Variants in ANO2 observed in about 807,000 individuals in gnomAD.
ANO2 encodes the protein anoctamin-2.
In ANO2, 101 loss-of-function variants were observed where a neutral mutation model predicts 124.2. The ratio of observed to expected loss-of-function variants is 0.81; its 90% CI spans 0.69 to 0.96. ANO2 has a LOEUF of 0.96. Ranked by LOEUF, ANO2 falls within the 40% of genes least tolerant of loss-of-function variation. The pLI is 0.00. For synonymous variants in ANO2, 486 were observed against 482.5 expected (o/e 1.01, Z -0.09); for missense variants, 1,293 against 1,274.5 (o/e 1.01, Z -0.22).
intron 19 of ANO2, among the ~76,000 whole-genome samples, chr12:5,602,512 C>T (rs1943991935): frequency 6.6e-6 from 1 of 152,086 alleles, no homozygotes; most frequent in South Asian, 2.1e-4. Flanking sequence ...CTTAGGCCTC[C>T]CAAAGTACAA....
At chr12:5,710,387 G>C (rs1949767666) in intron 14 of ANO2, among the ~76,000 whole-genome samples, 1 of 152,214 alleles carries the variant, frequency 6.6e-6, no homozygotes, top group Non-Finnish European at 1.5e-5. Flanking sequence ...CAAGCACTGA[G>C]AATTAGTTTG....
intron 9 of ANO2, among the ~76,000 whole-genome samples, chr12:5,799,790 C>G (rs1338661418): frequency 6.6e-6 from 1 of 152,160 alleles, no homozygotes; most frequent in Non-Finnish European, 1.5e-5. Flanking sequence ...TGAGGCAGTC[C>G]TGCACCTGAT....
At chr12:5,704,293 A>T (rs1591950730) in intron 14 of ANO2, among the ~76,000 whole-genome samples, 1 of 152,244 alleles carries the variant, frequency 6.6e-6, no homozygotes, top group East Asian at 1.9e-4. Context: ...ATCTGCATCC[A>T]CCCCGCCCAT....
At chr12:5,750,791 T>A (rs774475998) in intron 11 of ANO2, 45 bp downstream of exon 11, 1 of 1,587,988 alleles carries the variant, frequency 6.3e-7, no homozygotes, top group Non-Finnish European at 8.6e-7. Flanking sequence ...AACTCCAAAT[T>A]ATTAACATAT....
At chr12:5,619,229 AC>A (rs1944986655) in intron 16 of ANO2, among the ~76,000 whole-genome samples, 1 of 152,238 alleles carries the variant, frequency 6.6e-6, no homozygotes, top group East Asian at 1.9e-4. Context: ...GGGATTGAGA[AC>A]TGTAGTGAAT....
chr12:5,774,664 T>C (rs918821668), intron 10 of ANO2, among the ~76,000 whole-genome samples: 1 of 152,166 alleles, frequency 6.6e-6, no homozygotes, highest in African/African-American at 2.4e-5. Context: ...TGATGCCTTG[T>C]TGGAACCTCT....
chr12:5,623,555 T>C (rs1285589436), intron 16 of ANO2, among the ~76,000 whole-genome samples: 1 of 152,088 alleles, frequency 6.6e-6, no homozygotes, highest in Non-Finnish European at 1.5e-5. Flanking sequence ...GGAAAACAAT[T>C]AGTATGAAAG....
At chr12:5,786,054 T>C (rs1276205770) in intron 10 of ANO2, among the ~76,000 whole-genome samples, 1 of 145,636 alleles carries the variant, frequency 6.9e-6, no homozygotes, top group African/African-American at 2.6e-5. Flanking sequence ...GTGAGAGAAA[T>C]CCAGGGACTT....
intron 14 of ANO2, among the ~76,000 whole-genome samples, chr12:5,691,678 C>T (rs534181344): frequency 2.6e-5 from 4 of 152,026 alleles, no homozygotes; most frequent in Non-Finnish European, 1.5e-5. Flanking sequence ...CTGAGACAGG[C>T]AGATCCCTTG....
intron 3 of ANO2, among the ~76,000 whole-genome samples, chr12:5,902,960 G>A (rs1200990524): frequency 2.7e-5 from 4 of 148,530 alleles, no homozygotes; most frequent in African/African-American, 5.0e-5. Context: ...ACCCAGGAAT[G>A]CAAAGGTCTC....
chr12:5,574,381 G>A (rs532985904), intron 23 of ANO2, among the ~76,000 whole-genome samples: 31 of 152,294 alleles, frequency 2.0e-4, no homozygotes, highest in African/African-American at 7.5e-4. Context: ...CCAGCTTAGT[G>A]TGTCAAGGAG....
At chr12:5,852,372 C>A (rs1009724309) in intron 4 of ANO2, among the ~76,000 whole-genome samples, 11 of 152,282 alleles carry the variant, frequency 7.2e-5, no homozygotes, top group Admixed American at 5.9e-4. Flanking sequence ...TGTGACCCCC[C>A]TCCCCGACAC....
At chr12:5,873,196 G>GCCCGCTCTCTCT (rs1937826885) in intron 3 of ANO2, among the ~76,000 whole-genome samples, 1 of 118,934 alleles carries the variant, frequency 8.4e-6, no homozygotes, top group Non-Finnish European at 1.7e-5. Flanking sequence ...GCCTAAAGCA[G>GCCCGCTCTCTCT]CTCTCTCTCT....
At chr12:5,884,244 A>G (rs1157976050) in intron 3 of ANO2, among the ~76,000 whole-genome samples, 1 of 152,242 alleles carries the variant, frequency 6.6e-6, no homozygotes, top group East Asian at 1.9e-4. Flanking sequence ...TGCAAAATTC[A>G]TGAGAAGAGG....
intron 3 of ANO2, among the ~76,000 whole-genome samples, chr12:5,863,328 G>C (rs908513628): frequency 3.9e-5 from 6 of 152,108 alleles, no homozygotes; most frequent in African/African-American, 7.2e-5. Context: ...GCTTCTCTAG[G>C]TGTTATTCTA....
At position 5,921,305 on chromosome 12, in the gene ANO2, A is replaced by C. The variant is rs1160374798; in HGVS notation, c.269T>G (p.Met90Arg). ...PVSLEARLSRMHFHDSQRKVD... is the reference protein window; with the variant it reads ...PVSLEARLSRRHFHDSQRKVD... The stretch of plus-strand genomic sequence containing the variant: ...CTTCCTCTGACTGTCATGGAAGTGC[A>C]TGCGGCTAAGACGGGCCTCCAAGGA... The change falls in exon 3 of 25, where the codon ATG becomes AGG. Residue 90 changes from methionine to arginine, a missense_variant. Met to Arg is a moderately conservative substitution (Grantham distance 91). Transcript: ENST00000682330. 4.3e-6 allele frequency: 7 copies of C among 1,614,018 alleles called. No homozygotes were observed. Among genetic ancestry groups the C allele is most frequent in the Non-Finnish European group, 5.9e-6 (7 of 1,179,904 alleles).
chr12:5,676,675 T>A (rs1948259213), intron 14 of ANO2, among the ~76,000 whole-genome samples: 1 of 152,188 alleles, frequency 6.6e-6, no homozygotes, highest in East Asian at 1.9e-4. Context: ...TAAATGCCCC[T>A]CATCCTAAGT....
chr12:5,617,630 C>A (rs1177855703), intron 16 of ANO2, among the ~76,000 whole-genome samples: 2 of 151,732 alleles, frequency 1.3e-5, no homozygotes, highest in Non-Finnish European at 2.9e-5. Flanking sequence ...TCACAGCATA[C>A]CAAACTCTCC....
rs539482294 is a variant in ANO2, at chr12:5,816,559, C to A, written c.893-9191G>T. On this transcript the variant is annotated intron_variant, in intron 7 of 24. Transcript: ENST00000682330. ...AATTCCACTCCTACTCTGTAGCATC[C>A]CAAAGGTATTGGAAATACGATTAGA... Among the ~76,000 whole-genome samples, 3 of 152,182 alleles carry A rather than the reference C, an allele frequency of 2.0e-5. No individual in the cohort carries two copies. The East Asian group carries it at 5.8e-4, about 29-fold the overall frequency.
Sources: gnomAD v4.1 joint callset for allele counts (sites outside exome capture counted in the v4.1 genomes callset) on GRCh38, gnomAD v4.1.1 for gene constraint, MANE v1.5 for transcripts, NCBI Gene and HGNC (gene_info 2026-07-23, HGNC 2026-07-21) for gene names.